Variants in PARD3B observed in about 807,000 individuals in gnomAD.
The protein encoded by PARD3B is par-3 family cell polarity regulator beta, also known as partitioning defective 3 homolog B.
Under a neutral mutation model 130.2 loss-of-function variants are expected in PARD3B, and 103 were observed. The observed-to-expected ratio is 0.79, with a 90% confidence interval of 0.67 to 0.93. PARD3B has a LOEUF of 0.93. PARD3B is among the 40% of genes least tolerant of loss of function. The probability of loss-of-function intolerance (pLI) is 0.00; values close to 1 mark genes in which losing one functional copy is unlikely to be tolerated. For synonymous variants in PARD3B, 583 were observed against 553.2 expected (o/e 1.05, Z -0.76); for missense variants, 1,609 against 1,499.2 (o/e 1.07, Z -1.21).
chr2:204,589,046 A>G (rs534735565), intron 1 of PARD3B, among the ~76,000 whole-genome samples: 1 of 152,304 alleles, frequency 6.6e-6, no homozygotes, highest in Admixed American at 6.5e-5. Context: ...AAATATTTTT[A>G]TAGATGCCTC....
At position 204,686,260 on chromosome 2, in the gene PARD3B, A is replaced by G. The variant is rs766396085; in HGVS notation, c.200A>G (p.Asp67Gly). ...CTGGATCCAGATGATGTCTTGGCAG[A>G]TGTTGTTGAAGATAAAGACAAGGTA... ...GILDPDDVLA[D>G]VVEDKDKLIA... The change falls in exon 2 of 23, where the codon GAT becomes GGT. Residue 67 changes from aspartate (D) to glycine (G), a missense_variant. Physicochemically the swap from Asp to Gly is moderately conservative, Grantham distance 94. Transcript: ENST00000406610. 1 of 1,610,860 alleles carries G rather than the reference A, an allele frequency of 6.2e-7. No homozygotes were observed. Among genetic ancestry groups the G allele is most frequent in the South Asian group, 1.1e-5 (1 of 91,034 alleles).
chr2:205,549,920 T>C (rs914551716), intron 21 of PARD3B, among the ~76,000 whole-genome samples: 3 of 152,112 alleles, frequency 2.0e-5, no homozygotes, highest in Non-Finnish European at 4.4e-5. Flanking sequence ...CTAAATTTTT[T>C]TGTGAACCTA....
At chr2:205,363,487 A>G (rs1438083151) in intron 18 of PARD3B, among the ~76,000 whole-genome samples, 1 of 152,228 alleles carries the variant, frequency 6.6e-6, no homozygotes, top group Non-Finnish European at 1.5e-5. Flanking sequence ...CACAGAGTAA[A>G]TCCTCAATAA....
At chr2:204,611,713 T>C (rs1291830119) in intron 1 of PARD3B, among the ~76,000 whole-genome samples, 2 of 152,198 alleles carry the variant, frequency 1.3e-5, no homozygotes, top group African/African-American at 4.8e-5. Flanking sequence ...TATACATGTA[T>C]GGACTAATTC....
At chr2:205,396,665 G>C (rs2046041990) in intron 18 of PARD3B, among the ~76,000 whole-genome samples, 1 of 152,140 alleles carries the variant, frequency 6.6e-6, no homozygotes, top group African/African-American at 2.4e-5. Flanking sequence ...CCATATGTTT[G>C]CACAGAATTT....
intron 2 of PARD3B, among the ~76,000 whole-genome samples, chr2:204,844,696 C>T (rs191947347): frequency 4.1e-4 from 63 of 152,232 alleles, no homozygotes; most frequent in African/African-American, 1.4e-3. Context: ...AGCATTGCTC[C>T]AGCTGAGTTA....
rs1202453191 is a variant in PARD3B at position 204,669,199 on chromosome 2, TCA to T, written c.121-16981_121-16980del. Reference sequence around the variant, plus strand: ...GAAACCAGTAGAACCCTTCTTTATTTCAGTTTGGTGATATGAATGTGTTGCTT... The same window carrying T: ...GAAACCAGTAGAACCCTTCTTTATTTGTTTGGTGATATGAATGTGTTGCTT... On this transcript the variant is annotated intron_variant, in intron 1 of 22. Transcript: ENST00000406610. The surrounding 1 kb of genome is among the most constrained non-coding windows in gnomAD (Gnocchi z 4.3). Among the ~76,000 whole-genome samples, 6 of 152,144 alleles carry T rather than the reference TCA, an allele frequency of 3.9e-5. No homozygotes were observed. Among genetic ancestry groups the T allele is most frequent in the African/African-American group, 1.4e-4 (6 of 41,436 alleles).
intron 1 of PARD3B, among the ~76,000 whole-genome samples, chr2:204,679,688 T>G (rs1360950870): frequency 1.3e-5 from 2 of 152,094 alleles, no homozygotes; most frequent in Non-Finnish European, 2.9e-5. Context: ...TTTTTAATCT[T>G]TAACTGGTTT....
intron 18 of PARD3B, among the ~76,000 whole-genome samples, chr2:205,399,436 C>G (rs1229793327): frequency 2.0e-5 from 3 of 151,942 alleles, no homozygotes; most frequent in African/African-American, 7.2e-5. Flanking sequence ...CTCACTGCAA[C>G]CTCTGCCTCC....
At chr2:205,245,158 G>T (rs564556868) in intron 15 of PARD3B, among the ~76,000 whole-genome samples, 1 of 152,240 alleles carries the variant, frequency 6.6e-6, no homozygotes. Context: ...TGGCTTTCCC[G>T]CACGGCTGCC....
At chr2:205,528,545 G>A (rs1245544762) in intron 21 of PARD3B, among the ~76,000 whole-genome samples, 1 of 151,328 alleles carries the variant, frequency 6.6e-6, no homozygotes, top group African/African-American at 2.4e-5. Flanking sequence ...AGGCTGGAGT[G>A]CAGTGGCACA....
Position 205,004,144 on chromosome 2 carries a change from G to T in PARD3B, c.394+38821G>T, listed in dbSNP as rs77941303. Reference sequence around the variant, plus strand: ...TGCCTGTATTCTTATTCAGAGTTGGGGTATCACTATACTGCTTCTTGAAAT... The same window carrying T: ...TGCCTGTATTCTTATTCAGAGTTGGTGTATCACTATACTGCTTCTTGAAAT... On this transcript the variant is annotated intron_variant, in intron 3 of 22. Coordinates refer to ENST00000406610, the MANE Select transcript of PARD3B (RefSeq NM_001302769.2). Among the ~76,000 whole-genome samples, 7 of 152,164 alleles carry T rather than the reference G, an allele frequency of 4.6e-5. No homozygotes were observed. In the East Asian group the frequency reaches 1.4e-3, roughly 30 times the overall value.
chr2:205,384,572 A>C (rs1246160476), intron 18 of PARD3B, among the ~76,000 whole-genome samples: 1 of 152,090 alleles, frequency 6.6e-6, no homozygotes, highest in Non-Finnish European at 1.5e-5. Context: ...AGAAACTGCC[A>C]ACCTCCTAGC....
At chr2:205,577,126 T>C (rs2053790112) in intron 22 of PARD3B, among the ~76,000 whole-genome samples, 1 of 152,238 alleles carries the variant, frequency 6.6e-6, no homozygotes, top group African/African-American at 2.4e-5. Flanking sequence ...GATTGACTTT[T>C]GTATATTAAT....
chr2:204,790,787 C>T (rs1252309863), intron 2 of PARD3B, among the ~76,000 whole-genome samples: 4 of 151,992 alleles, frequency 2.6e-5, no homozygotes, highest in African/African-American at 7.2e-5. Flanking sequence ...AAACACTGTC[C>T]GCTTATTATT....
At chr2:205,295,772 G>C (rs1291836229) in intron 16 of PARD3B, among the ~76,000 whole-genome samples, 1 of 152,066 alleles carries the variant, frequency 6.6e-6, no homozygotes, top group Non-Finnish European at 1.5e-5. Context: ...GACTAATTAG[G>C]TGATTATAGC....
At chr2:204,612,116 G>A (rs1287262878) in intron 1 of PARD3B, among the ~76,000 whole-genome samples, 1 of 152,202 alleles carries the variant, frequency 6.6e-6, no homozygotes, top group East Asian at 1.9e-4. Context: ...CTTATTTATA[G>A]GAGTATGTGC....
At chr2:204,861,191 TCTCTC>T (rs2045177764) in intron 2 of PARD3B, among the ~76,000 whole-genome samples, 1 of 146,560 alleles carries the variant, frequency 6.8e-6, no homozygotes, top group African/African-American at 2.5e-5. Context: ...TCTCTCTCTC[TCTCTC>T]TCTCTCTCTC....
At chr2:204,883,452 TATA>T (rs1214971358) in intron 2 of PARD3B, among the ~76,000 whole-genome samples, 7 of 106,062 alleles carry the variant, frequency 6.6e-5, no homozygotes, top group African/African-American at 1.6e-4. Flanking sequence ...TATATATATA[TATA>T]TTTTTTTTTT....
Sources: gnomAD v4.1 joint callset for allele counts (sites outside exome capture counted in the v4.1 genomes callset) on GRCh38, gnomAD v4.1.1 for gene constraint, Gnocchi (gnomAD v3.1) non-coding constraint, MANE v1.5 for transcripts, NCBI Gene and HGNC (gene_info 2026-07-23, HGNC 2026-07-21) for gene names.